Variants in TAF15 observed in about 807,000 individuals in gnomAD.
TAF15 encodes TATA-box binding protein associated factor 15.
A neutral mutation model predicts 102.5 loss-of-function variants in TAF15; 37 were observed. The ratio of observed to expected loss-of-function variants is 0.36; its 90% confidence interval spans 0.28 to 0.47. The LOEUF is 0.47. Among genes scored for constraint, TAF15 ranks in the 20% least tolerant of loss-of-function variants. The pLI, the probability that TAF15 is intolerant of heterozygous loss-of-function variation, is 0.99. For synonymous variants in TAF15, 273 were observed against 259.2 expected, an observed-to-expected ratio of 1.05 and a Z score of -0.51; for missense variants, 652 against 760.7, an observed-to-expected ratio of 0.86 and a Z score of 1.68.
At chr17:35,815,663 C>CT (rs1390757465) in intron 1 of TAF15, among the ~76,000 whole-genome samples, 2 of 152,042 alleles carry the variant, frequency 1.3e-5, no homozygotes, top group Non-Finnish European at 2.9e-5. Context: ...ATAGTTTAAC[C>CT]TAAAGCTTCA....
rs1193806264 is a variant in TAF15, at chr17:35,844,628, G to A, written c.1329G>A (p.Gly443=). 3.1e-6 allele frequency: 5 copies of A among 1,600,470 alleles called. No homozygotes were observed. The highest frequency in any genetic ancestry group is 1.7e-5 in the Admixed American group (1 of 57,986). Residue 443 remains glycine (G), a synonymous_variant, in exon 15 of 16, where the codon GGG becomes GGA. Coordinates refer to ENST00000605844, the MANE Select transcript of TAF15 (RefSeq NM_139215.3). The stretch of plus-strand genomic sequence containing the variant: ...GTGGCTACAGCGGAGATAGAAGTGG[G>A]GGCGGCTATGGTGGAGACAGAAGTG... ...SGGGYSGDRS[G]GGYGGDRSGG...
intron 15 of TAF15, 144 bp downstream of exon 15, chr17:35,845,182 T>G (rs2087609481): frequency 9.4e-7 from 1 of 1,065,962 alleles, no homozygotes; most frequent in African/African-American, 1.6e-5. Flanking sequence ...AGTTTCCTGC[T>G]TAGCAATTTC....
Position 35,817,752 on chromosome 17 carries a change from A to C in TAF15, c.44A>C (p.Gln15Pro), listed in dbSNP as rs772438557. The C allele has an allele frequency of 6.2e-7, 1 of 1,613,468 alleles. No individual in the cohort carries two copies. Among genetic ancestry groups the C allele is most frequent in the East Asian group, 2.2e-5 (1 of 44,864 alleles). ...GSYGQSGGEQ[Q>P]SYSTYGNPGS... Reference sequence around the variant, plus strand: ...TACGGTCAGTCTGGGGGTGAGCAGCAAAGGTAAAGTATACATACATTTTAA... The same window carrying C: ...TACGGTCAGTCTGGGGGTGAGCAGCCAAGGTAAAGTATACATACATTTTAA... Residue 15 changes from glutamine to proline, a missense_variant, in exon 2 of 16, where the codon CAA becomes CCA. Physicochemically the swap from Gln to Pro is moderately conservative, Grantham distance 76. Around this residue, in one of 3 missense-constraint regions of TAF15, gnomAD observed 243 missense variants for 284.1 expected, o/e 0.86. Transcript: ENST00000605844.
chr17:35,834,695 G>A lies in TAF15; in HGVS notation c.673+97G>A, dbSNP rs1380927516. On this transcript the variant is annotated intron_variant, in intron 9 of 15. Transcript: ENST00000605844. ...TGTTTGGAGGGGCTTAGTACAGGAGGAAGATTTAATTTGATAGTGCTGCCA... is the reference window on the plus strand; with the variant it reads ...TGTTTGGAGGGGCTTAGTACAGGAGAAAGATTTAATTTGATAGTGCTGCCA... 5.3e-6 allele frequency: 6 copies of A among 1,125,808 alleles called. No individual in the cohort carries two copies. The Admixed American group carries it at 7.2e-5, about 14-fold the overall frequency. 69.7% of individuals were successfully genotyped at this position (1,125,808 alleles called of 1,614,324 possible). A position where few individuals can be genotyped will look rare whatever the true frequency, so the allele number is the denominator to read the frequency against.
At chr17:35,817,969 C>A (rs1414511832) in intron 2 of TAF15, among the ~76,000 whole-genome samples, 1 of 152,200 alleles carries the variant, frequency 6.6e-6, no homozygotes. Context: ...TTTGCTCAGG[C>A]TGGAGTGCAG....
At chr17:35,813,639 C>G (rs1159733879) in intron 1 of TAF15, among the ~76,000 whole-genome samples, 2 of 147,016 alleles carry the variant, frequency 1.4e-5, no homozygotes. Flanking sequence ...CTGTCCCCCC[C>G]CCCCCGCAAA....
chr17:35,827,805 G>T (rs1023224184), intron 7 of TAF15, among the ~76,000 whole-genome samples: 2 of 152,118 alleles, frequency 1.3e-5, no homozygotes, highest in Admixed American at 1.3e-4. Context: ...TGCCTGGCTA[G>T]AAGAAGAATT....
At chr17:35,827,933 AAAG>A (rs1568260895) in intron 7 of TAF15, among the ~76,000 whole-genome samples, 2 of 152,222 alleles carry the variant, frequency 1.3e-5, no homozygotes, top group African/African-American at 4.8e-5. Context: ...TAGCAAAAAA[AAAG>A]AAAATTTCTT....
intron 5 of TAF15, 39 bp from the exon 6 acceptor site, chr17:35,822,601 C>T: frequency 6.3e-7 from 1 of 1,590,662 alleles, no homozygotes; most frequent in African/African-American, 1.3e-5. Flanking sequence ...CAAATGTAAT[C>T]TTCCTATGAA....
At chr17:35,841,475 ACT>A (rs975756229) in intron 11 of TAF15, among the ~76,000 whole-genome samples, 11 of 146,808 alleles carry the variant, frequency 7.5e-5, no homozygotes, top group African/African-American at 2.8e-4. Flanking sequence ...TGTGCACCTG[ACT>A]CTTTTTTTTT....
intron 1 of TAF15, chr17:35,811,432 A>G (rs1433489424): frequency 7.2e-5 from 11 of 152,250 alleles, no homozygotes; most frequent in South Asian, 2.1e-4. Context: ...TTAACATTCA[A>G]TTAATTAAAG....
At chr17:35,824,801 G>T (rs1598529020) in intron 7 of TAF15, among the ~76,000 whole-genome samples, 1 of 151,976 alleles carries the variant, frequency 6.6e-6, no homozygotes, top group African/African-American at 2.4e-5. Flanking sequence ...TTTTAATTCA[G>T]CTTTTCTTTT....
chr17:35,813,638 C>G (rs1390816462), intron 1 of TAF15, among the ~76,000 whole-genome samples: 1 of 146,680 alleles, frequency 6.8e-6, no homozygotes, highest in Non-Finnish European at 1.5e-5. Context: ...CCTGTCCCCC[C>G]CCCCCCGCAA....
chr17:35,810,987 C>G (rs2087118212), intron 1 of TAF15: 1 of 152,160 alleles, frequency 6.6e-6, no homozygotes, highest in Admixed American at 6.5e-5. Context: ...ATTGGTACAT[C>G]TTTTTCTAGG....
At position 35,844,375 on chromosome 17, in the gene TAF15, C is replaced by A; in HGVS notation, c.1177+7C>A. 1.2e-6 allele frequency: 2 copies of A among 1,614,032 alleles called. No homozygotes were observed. The highest frequency in any genetic ancestry group is 1.7e-6 in the Non-Finnish European group (2 of 1,179,934). On this transcript the variant is annotated splice_region_variant and intron_variant, in intron 14 of 15. Transcript: ENST00000605844. ...TCTCGTCCCTCAGGAGGAGGTGGGT[C>A]AGCCTTTTAATAGCATCTGCATCGT...
At chr17:35,810,145 T>G in intron 1 of TAF15, 1 of 166,896 alleles carries the variant, frequency 6.0e-6, no homozygotes, top group East Asian at 1.6e-4. Context: ...CACTCTGCAG[T>G]AACCACCTGG....
At chr17:35,820,528 A>C (rs977335075) in intron 5 of TAF15, 91 bp downstream of exon 5, 1 of 1,290,878 alleles carries the variant, frequency 7.7e-7, no homozygotes, top group Non-Finnish European at 1.1e-6. Context: ...CTAGCTTTAA[A>C]CTTTTTTTTT....
rs533058888 is a variant in TAF15, at chr17:35,834,740, C to CTTTT, written c.673+161_673+164dup. On this transcript the variant is annotated intron_variant, in intron 9 of 15. Transcript: ENST00000605844. ...CTGCCAGAACTGGGGAGCTTTATTT[C>CTTTT]TTTTTTTTTTTTTTTTTTTTTTGAG... 9.9e-3 allele frequency: 2,325 copies of CTTTT among 235,544 alleles called. 19 individuals carry two copies. The highest frequency in any genetic ancestry group is 0.018 in the East Asian group (146 of 8,024). The allele number at this position is 235,544 out of a possible 1,614,324, so 14.6% of individuals were successfully genotyped here.
chr17:35,842,494 T>C, intron 12 of TAF15, 35 bp downstream of exon 12: 1 of 1,529,642 alleles, frequency 6.5e-7, no homozygotes, highest in Non-Finnish European at 9.1e-7. Context: ...CTGGATACTA[T>C]CCAAGGGTTT....
Sources: gnomAD v4.1 joint callset for allele counts (sites outside exome capture counted in the v4.1 genomes callset) on GRCh38, gnomAD v4.1.1 for gene constraint, gnomAD v4.1.1 regional missense constraint, MANE v1.5 for transcripts, NCBI Gene and HGNC (gene_info 2026-07-23, HGNC 2026-07-21) for gene names.